SCAPER: variants seen among roughly 807,000 people sequenced by gnomAD.
SCAPER encodes the protein S-phase cyclin A associated protein in the ER.
In SCAPER, 98 loss-of-function variants were observed where a neutral mutation model predicts 182.2. The ratio of observed to expected loss-of-function variants is 0.54; its 90% confidence interval spans 0.46 to 0.64. The LOEUF is 0.64. Among genes scored for constraint, SCAPER ranks in the 30% least tolerant of loss-of-function variants. The pLI, the probability that SCAPER is intolerant of heterozygous loss-of-function variation, is 0.00. For synonymous variants in SCAPER, 605 were observed against 564.6 expected (o/e 1.07, Z -1.01); for missense variants, 1,432 against 1,690.0 (o/e 0.85, Z 2.68).
At chr15:76,651,367 A>G (rs2055021542) in intron 21 of SCAPER, among the ~76,000 whole-genome samples, 1 of 152,174 alleles carries the variant, frequency 6.6e-6, no homozygotes, top group Non-Finnish European at 1.5e-5. Flanking sequence ...CAATGCAAGC[A>G]CACAATCTTC....
chr15:76,577,188 A>G (rs1597469370), intron 22 of SCAPER, among the ~76,000 whole-genome samples: 1 of 152,052 alleles, frequency 6.6e-6, no homozygotes, highest in Non-Finnish European at 1.5e-5. Context: ...GCTCATACCT[A>G]TAATCCCAGT....
chr15:76,809,648 A>C (rs1313383906), intron 5 of SCAPER, among the ~76,000 whole-genome samples: 8 of 152,148 alleles, frequency 5.3e-5, no homozygotes, highest in Non-Finnish European at 1.0e-4. Context: ...GCATTATTGG[A>C]GTTAGAAAAG....
intron 22 of SCAPER, among the ~76,000 whole-genome samples, chr15:76,614,897 T>C (rs1410880488): frequency 4.6e-5 from 7 of 152,172 alleles, no homozygotes; most frequent in African/African-American, 1.7e-4. Flanking sequence ...AAGATACTAA[T>C]TGCTAAATTC....
At chr15:76,382,143 AG>A (rs2042985204) in intron 27 of SCAPER, among the ~76,000 whole-genome samples, 1 of 152,164 alleles carries the variant, frequency 6.6e-6, no homozygotes, top group African/African-American at 2.4e-5. Context: ...GAGTACAGGC[AG>A]GACAGGTTGT....
At chr15:76,654,822 C>T (rs530304550) in intron 21 of SCAPER, among the ~76,000 whole-genome samples, 1 of 152,210 alleles carries the variant, frequency 6.6e-6, no homozygotes, top group South Asian at 2.1e-4. Context: ...GGCCTGAATG[C>T]CATTAGCTAA....
intron 26 of SCAPER, among the ~76,000 whole-genome samples, chr15:76,419,197 G>A (rs1596517773): frequency 6.6e-6 from 1 of 152,084 alleles, no homozygotes; most frequent in East Asian, 1.9e-4. Context: ...CCAACACACG[G>A]TACCCAACCA....
chr15:76,853,535 C>A (rs1162529411), intron 4 of SCAPER, among the ~76,000 whole-genome samples: 1 of 151,580 alleles, frequency 6.6e-6, no homozygotes, highest in African/African-American at 2.4e-5. Context: ...TGTGATTCAA[C>A]ACCTAAACAG....
chr15:76,361,298 C>A (rs58240508), intron 29 of SCAPER, among the ~76,000 whole-genome samples: 37 of 152,156 alleles, frequency 2.4e-4, no homozygotes, highest in African/African-American at 8.0e-4. Context: ...AAGAAGCAAG[C>A]GGGCCTTTCA....
At chr15:76,746,094 A>C (rs184381316) in intron 15 of SCAPER, among the ~76,000 whole-genome samples, 4 of 152,354 alleles carry the variant, frequency 2.6e-5, no homozygotes, top group Non-Finnish European at 5.9e-5. Flanking sequence ...AGGGACAAAA[A>C]ATATAGTGTA....
chr15:76,836,175 A>G (rs1028568555), intron 5 of SCAPER, among the ~76,000 whole-genome samples: 2 of 152,102 alleles, frequency 1.3e-5, no homozygotes, highest in Admixed American at 1.3e-4. Context: ...TACCAATGCC[A>G]ATTCCTAACT....
intron 17 of SCAPER, among the ~76,000 whole-genome samples, chr15:76,725,073 A>AC (rs1256452542): frequency 2.0e-5 from 3 of 151,814 alleles, no homozygotes; most frequent in Non-Finnish European, 4.4e-5. Flanking sequence ...TCTTCTCTCC[A>AC]CCCCCCAATA....
chr15:76,749,818 A>T (rs2061990368), intron 15 of SCAPER, among the ~76,000 whole-genome samples: 1 of 152,052 alleles, frequency 6.6e-6, no homozygotes, highest in Admixed American at 6.6e-5. Context: ...CCATAAATTC[A>T]ATGCAAACCC....
At position 76,594,938 on chromosome 15, in the gene SCAPER, G is replaced by T. The variant is rs2049385196; in HGVS notation, c.2712-20654C>A. On this transcript the variant is annotated intron_variant, in intron 22 of 31. Transcript: ENST00000563290. ...AATCAACTAACCGGCAAGACAACCAGCTAGAATAATAATGACAGGATGAAA... is the reference window on the plus strand; with the variant it reads ...AATCAACTAACCGGCAAGACAACCATCTAGAATAATAATGACAGGATGAAA... Among the ~76,000 whole-genome samples, 2 of 121,270 alleles carry T rather than the reference G, an allele frequency of 1.6e-5. 1 individual carries two copies. The highest frequency in any genetic ancestry group is 1.9e-4 in the Admixed American group (2 of 10,598). The allele number at this position is 121,270 out of a possible 152,430, so 79.6% of individuals were successfully genotyped here.
Position 76,526,492 on chromosome 15 carries a change from C to T in SCAPER, c.2839-21518G>A, listed in dbSNP as rs1209081487. Among the ~76,000 whole-genome samples, 4 of 152,198 alleles carry T rather than the reference C, an allele frequency of 2.6e-5. No homozygotes were observed. The East Asian group carries it at 7.7e-4, about 29-fold the overall frequency. Reference sequence around the variant, plus strand: ...ATCAGGTGTTTTATGTCAAATAGTGCTAATTCTTCTTTTCTTTCCATTCTC... The same window carrying T: ...ATCAGGTGTTTTATGTCAAATAGTGTTAATTCTTCTTTTCTTTCCATTCTC... On this transcript the variant is annotated intron_variant, in intron 23 of 31. Coordinates refer to ENST00000563290, the MANE Select transcript of SCAPER (RefSeq NM_020843.4).
At chr15:76,619,587 CTTTTT>C (rs950593180) in intron 22 of SCAPER, among the ~76,000 whole-genome samples, 2 of 151,762 alleles carry the variant, frequency 1.3e-5, no homozygotes, top group African/African-American at 4.8e-5. Flanking sequence ...TTTTTTCTTT[CTTTTT>C]TTTATTATTA....
intron 5 of SCAPER, among the ~76,000 whole-genome samples, chr15:76,807,014 T>G (rs2151548627): frequency 6.6e-6 from 1 of 152,342 alleles, no homozygotes; most frequent in East Asian, 1.9e-4. Flanking sequence ...CAAGTACAGT[T>G]TTACTTCTTC....
At chr15:76,614,257 G>A (rs2051257492) in intron 22 of SCAPER, among the ~76,000 whole-genome samples, 1 of 152,146 alleles carries the variant, frequency 6.6e-6, no homozygotes, top group Non-Finnish European at 1.5e-5. Context: ...AGGATGGAGG[G>A]TGGGAGGAGG....
intron 27 of SCAPER, among the ~76,000 whole-genome samples, chr15:76,396,158 G>C (rs919818803): frequency 6.6e-6 from 1 of 152,082 alleles, no homozygotes; most frequent in Non-Finnish European, 1.5e-5. Flanking sequence ...ATTTGTTTCT[G>C]GGTTCTCTAT....
intron 14 of SCAPER, among the ~76,000 whole-genome samples, chr15:76,763,539 G>A (rs966893746): frequency 6.5e-5 from 4 of 61,826 alleles, no homozygotes; most frequent in Non-Finnish European, 1.1e-4. Context: ...GGAAGTTTTG[G>A]GTTATTTCTT....
Sources: allele counts gnomAD v4.1 joint callset (sites outside exome capture counted in the v4.1 genomes callset), GRCh38; gene constraint gnomAD v4.1.1; transcripts MANE v1.5; gene names NCBI Gene and HGNC (gene_info 2026-07-23, HGNC 2026-07-21).